ATP8A2: variants seen among roughly 807,000 people sequenced by gnomAD.
ATP8A2 encodes phospholipid-transporting ATPase IB.
A neutral mutation model predicts 165.6 loss-of-function variants in ATP8A2; 100 were observed. The ratio of observed to expected loss-of-function variants is 0.60; its 90% CI spans 0.51 to 0.71. The LOEUF (loss-of-function observed/expected upper bound fraction) is 0.71, where lower values mean the gene tolerates loss of function less well. Among genes scored for constraint, ATP8A2 ranks in the 30% least tolerant of loss-of-function variants. ATP8A2 has a pLI of 0.00. For synonymous variants in ATP8A2, 543 were observed against 548.8 expected (o/e 0.99, Z 0.15); for missense variants, 1,227 against 1,479.5 (o/e 0.83, Z 2.80).
chr13:25,691,444 A>G (rs1447334426), intron 24 of ATP8A2, among the ~76,000 whole-genome samples: 1 of 152,218 alleles, frequency 6.6e-6, no homozygotes, highest in African/African-American at 2.4e-5. Context: ...TATTCTGAGA[A>G]GGATAAAAGT....
chr13:25,551,258 GT>G (rs1291820154), intron 10 of ATP8A2, 79 bp from the exon 11 acceptor site: 1 of 1,346,028 alleles, frequency 7.4e-7, no homozygotes, highest in African/African-American at 1.5e-5. Flanking sequence ...GTTAAATATG[GT>G]TGTTTTACCT....
At chr13:25,819,082 G>A (rs1951098139) in intron 27 of ATP8A2, among the ~76,000 whole-genome samples, 1 of 152,006 alleles carries the variant, frequency 6.6e-6, no homozygotes, top group South Asian at 2.1e-4. Context: ...AAACAGTTTG[G>A]CCAACCATTC....
Position 25,756,741 on chromosome 13 carries a change from T to C in ATP8A2, c.2385-12305T>C, listed in dbSNP as rs115538827. Among the ~76,000 whole-genome samples the C allele has an allele frequency of 8.0e-3, 1,226 of 152,348 alleles. 23 individuals are homozygous for C. Among genetic ancestry groups the C allele is most frequent in the African/African-American group, 0.028 (1,170 of 41,576 alleles). On this transcript the variant is annotated intron_variant, in intron 25 of 36. Transcript: ENST00000381655. The stretch of plus-strand genomic sequence containing the variant: ...CAGCAGCCAATGCGTGGAAAGCACT[T>C]AGCCCAGTTACTGATGATCAAATGG...
At chr13:25,735,843 T>C (rs1032711744) in intron 25 of ATP8A2, among the ~76,000 whole-genome samples, 2 of 152,216 alleles carry the variant, frequency 1.3e-5, no homozygotes, top group Non-Finnish European at 2.9e-5. Context: ...GTATAGTATT[T>C]ATAAAGTCTA....
intron 33 of ATP8A2, among the ~76,000 whole-genome samples, chr13:25,898,077 A>G (rs1953615487): frequency 6.6e-6 from 1 of 152,144 alleles, no homozygotes; most frequent in Admixed American, 6.5e-5. Context: ...GTTGCTGGTG[A>G]GGAGCTGCAT....
Position 25,533,292 on chromosome 13 carries a change from G to C in ATP8A2, c.486G>C (p.Trp162Cys). 6.6e-7 allele frequency: 1 copy of C among 1,514,542 alleles called. No individual in the cohort carries two copies. The highest frequency in any genetic ancestry group is 9.1e-7 in the Non-Finnish European group (1 of 1,093,078). 93.8% of individuals were successfully genotyped at this position (1,514,542 alleles called of 1,614,324 possible). Residue 162 changes from tryptophan to cysteine, a missense_variant, in exon 6 of 37, where the codon TGG becomes TGC. Coordinates refer to ENST00000381655, the MANE Select transcript of ATP8A2 (RefSeq NM_016529.6). ...KKTIVLRNGM[W>C]HTIMWKEVAV... ...TTTCAGTGTTAAGAAATGGTATGTG[G>C]CATACCATTATGTGGAAAGAGGTAA...
chr13:25,592,196 T>G (rs999211259), intron 24 of ATP8A2, among the ~76,000 whole-genome samples: 1 of 66,650 alleles, frequency 1.5e-5, no homozygotes, highest in Non-Finnish European at 3.0e-5. Context: ...CTTTGCCCAT[T>G]TTTTAATCAG....
chr13:25,849,969 CAA>C (rs1307785785), intron 30 of ATP8A2, among the ~76,000 whole-genome samples: 1 of 152,214 alleles, frequency 6.6e-6, no homozygotes, highest in Non-Finnish European at 1.5e-5. Context: ...AGTATTTTAT[CAA>C]ACCAAGCACA....
At chr13:25,984,732 C>T (rs1471066830) in intron 35 of ATP8A2, among the ~76,000 whole-genome samples, 1 of 152,080 alleles carries the variant, frequency 6.6e-6, no homozygotes, top group Admixed American at 6.6e-5. Flanking sequence ...CTGTAAGCCA[C>T]GAAGAGTCAT....
At chr13:25,789,293 G>A (rs1013017048) in intron 27 of ATP8A2, among the ~76,000 whole-genome samples, 2 of 152,082 alleles carry the variant, frequency 1.3e-5, no homozygotes, top group Admixed American at 6.6e-5. Context: ...TTCGAATTTT[G>A]TAAAATGATT....
intron 2 of ATP8A2, among the ~76,000 whole-genome samples, chr13:25,481,606 C>G (rs1394410059): frequency 6.6e-6 from 1 of 152,172 alleles, no homozygotes; most frequent in East Asian, 1.9e-4. Flanking sequence ...CCACTGTTAT[C>G]CCTGTATTAG....
chr13:25,588,871 G>A (rs1351498703), intron 23 of ATP8A2, among the ~76,000 whole-genome samples: 10 of 152,106 alleles, frequency 6.6e-5, no homozygotes, highest in Non-Finnish European at 8.8e-5. Flanking sequence ...CCCTCTCCTC[G>A]CCACCGAGGG....
At chr13:25,784,705 C>A (rs892202919) in intron 27 of ATP8A2, among the ~76,000 whole-genome samples, 2 of 152,102 alleles carry the variant, frequency 1.3e-5, no homozygotes, top group Non-Finnish European at 2.9e-5. Flanking sequence ...CAACTGAAAT[C>A]TTTCCCGGTG....
At chr13:25,458,705 G>A (rs471864) in intron 1 of ATP8A2, among the ~76,000 whole-genome samples, 1 of 152,220 alleles carries the variant, frequency 6.6e-6, no homozygotes, top group African/African-American at 2.4e-5. Context: ...GTTTCTCTCC[G>A]TGGGGAAAGT....
intron 33 of ATP8A2, among the ~76,000 whole-genome samples, chr13:25,937,362 C>CTT (rs1555293658): frequency 2.6e-5 from 1 of 38,798 alleles, no homozygotes; most frequent in Non-Finnish European, 5.5e-5. Context: ...TTCTTTCTTT[C>CTT]TTTTTTTTTT....
At chr13:25,526,955 G>A (rs768986769) in intron 2 of ATP8A2, among the ~76,000 whole-genome samples, 14 of 152,066 alleles carry the variant, frequency 9.2e-5, no homozygotes, top group Non-Finnish European at 5.9e-5. Flanking sequence ...AATTTTCCAC[G>A]TGCTTGGTGC....
chr13:25,710,238 C>T (rs1033674871), intron 25 of ATP8A2, among the ~76,000 whole-genome samples: 1 of 152,124 alleles, frequency 6.6e-6, no homozygotes, highest in Non-Finnish European at 1.5e-5. Context: ...GGTGTTATCA[C>T]CTCAAGCATT....
intron 1 of ATP8A2, among the ~76,000 whole-genome samples, chr13:25,436,346 A>G (rs2034775664): frequency 6.6e-6 from 1 of 152,046 alleles, no homozygotes; most frequent in African/African-American, 2.4e-5. Context: ...CTCCCTTACA[A>G]ATGAGGAGGT....
intron 13 of ATP8A2, 109 bp from the exon 14 acceptor site, chr13:25,558,864 A>G: frequency 1.5e-6 from 1 of 663,282 alleles, no homozygotes; most frequent in Non-Finnish European, 2.5e-6. Context: ...CTTTAGGGAA[A>G]TCTACCCGTT....
Sources: gnomAD v4.1 joint callset for allele counts (sites outside exome capture counted in the v4.1 genomes callset) on GRCh38, gnomAD v4.1.1 for gene constraint, MANE v1.5 for transcripts, NCBI Gene and HGNC (gene_info 2026-07-23, HGNC 2026-07-21) for gene names.